LMTK2: variants seen among roughly 807,000 people sequenced by gnomAD.
LMTK2 encodes serine/threonine-protein kinase LMTK2.
LMTK2 carries 37 observed loss-of-function variants against 127.5 expected under a neutral mutation model. The observed-to-expected ratio is 0.29, with a 90% CI of 0.22 to 0.38. The LOEUF (loss-of-function observed/expected upper bound fraction) is 0.38, where lower values mean the gene tolerates loss of function less well. LMTK2 is among the 10% of genes least tolerant of loss of function. LMTK2 has a pLI of 1.00. For missense variants in LMTK2, 1,694 were observed against 1,920.3 expected (o/e 0.88, Z 2.20); for synonymous variants, 819 against 810.1 (o/e 1.01, Z -0.19).
intron 4 of LMTK2, 144 bp downstream of exon 4, chr7:98,151,599 A>T: frequency 1.6e-6 from 1 of 628,570 alleles, no homozygotes; most frequent in Non-Finnish European, 2.7e-6. Flanking sequence ...CCCCTGTGGC[A>T]GCGTGGGGGC....
rs1796115169 is a variant in LMTK2 at position 98,106,989 on chromosome 7, T to G, written c.-189T>G. 3 of 467,780 alleles carry G rather than the reference T, an allele frequency of 6.4e-6. No individual in the cohort carries two copies. The highest frequency in any genetic ancestry group is 7.5e-6 in the Non-Finnish European group (2 of 265,490). 29.0% of individuals were successfully genotyped at this position (467,780 alleles called of 1,614,324 possible). On this transcript the variant is annotated 5_prime_UTR_variant, in exon 1 of 14. Transcript: ENST00000297293. ...CGCAGGCGGGCGGGAAGGATGGTGT[T>G]TCTGCGACTGGAGCGGCAGGTGCGG...
At chr7:98,129,917 A>G (rs145360745) in intron 1 of LMTK2, among the ~76,000 whole-genome samples, 276 of 152,186 alleles carry the variant, frequency 1.8e-3, no homozygotes, top group South Asian at 3.1e-3. Context: ...CTAGTGGGGA[A>G]GGCATATGGG....
At chr7:98,123,434 A>C (rs1042778865) in intron 1 of LMTK2, among the ~76,000 whole-genome samples, 2 of 151,982 alleles carry the variant, frequency 1.3e-5, no homozygotes, top group Non-Finnish European at 2.9e-5. Flanking sequence ...CCTTGTCAGC[A>C]GCTTAAATCT....
chr7:98,156,368 G>A (rs1796924997), intron 5 of LMTK2, among the ~76,000 whole-genome samples: 1 of 152,002 alleles, frequency 6.6e-6, no homozygotes, highest in Admixed American at 6.6e-5. Context: ...GGGAGGCTGA[G>A]GCAGGAAAAT....
Position 98,151,385 on chromosome 7 carries a change from G to A in LMTK2, c.380G>A (p.Gly127Glu). Reference sequence around the variant, plus strand: ...TTTAATGTTTTTTTCTCTACAGAGGGATTGAAGTCTCAAGTTGCCCGCCAC... The same window carrying A: ...TTTAATGTTTTTTTCTCTACAGAGGAATTGAAGTCTCAAGTTGCCCGCCAC... The part of the protein sequence containing the change: ...APSQFQPSVE[G>E]LKSQVARHSL... Residue 127 changes from glycine to glutamate, a missense_variant, in exon 4 of 14, where the codon GGA (glycine) becomes GAA (glutamate). Gly to Glu is a moderately conservative substitution (Grantham distance 98). Transcript: ENST00000297293. 1 of 1,609,178 alleles carries A rather than the reference G, an allele frequency of 6.2e-7. No individual in the cohort carries two copies. The highest frequency in any genetic ancestry group is 8.5e-7 in the Non-Finnish European group (1 of 1,175,706).
Position 98,171,754 on chromosome 7 carries a change from TAAG to T in LMTK2, c.791+81_791+83del, listed in dbSNP as rs1462877418. 4 of 1,434,472 alleles carry T rather than the reference TAAG, an allele frequency of 2.8e-6. No homozygotes were observed. Among genetic ancestry groups the T allele is most frequent in the Non-Finnish European group, 3.7e-6 (4 of 1,089,770 alleles). The allele number at this position is 1,434,472 out of a possible 1,614,324, so 88.9% of individuals were successfully genotyped here. ...GAGAGGCTGCCGAGTTTGTGAAACT[TAAG>T]GAGGACAGGAGGTGGCAGAATGAAC... On this transcript the variant is annotated intron_variant, in intron 7 of 13. Coordinates refer to ENST00000297293, the MANE Select transcript of LMTK2 (RefSeq NM_014916.4). The surrounding 1 kb of genome is among the most constrained non-coding windows in gnomAD (Gnocchi z 5.1).
chr7:98,141,199 A>G (rs1796693461), intron 2 of LMTK2, among the ~76,000 whole-genome samples, 198 bp from the exon 3 acceptor site: 1 of 152,112 alleles, frequency 6.6e-6, no homozygotes, highest in South Asian at 2.1e-4. Flanking sequence ...CTTACATGAA[A>G]TATGTATAAT....
Position 98,192,875 on chromosome 7 carries a change from A to G in LMTK2, c.2410A>G (p.Ser804Gly). 1 of 1,614,104 alleles carries G rather than the reference A, an allele frequency of 6.2e-7. No homozygotes were observed. Among genetic ancestry groups the G allele is most frequent in the Non-Finnish European group, 8.5e-7 (1 of 1,179,972 alleles). The part of the protein sequence containing the change: ...TDVMLTGDTL[S>G]TSLQSSPEVQ... ...TGTCATGCTCACAGGTGACACTTTG[A>G]GCACCTCATTGCAGTCTTCCCCGGA... Residue 804 changes from serine (S) to glycine (G), a missense_variant, in exon 11 of 14, where the codon AGC (serine) becomes GGC (glycine). Physicochemically the swap from Ser to Gly is moderately conservative, Grantham distance 56. Around this residue, in one of 8 missense-constraint regions of LMTK2, gnomAD observed 527 missense variants for 539.8 expected, o/e 0.98. Coordinates refer to ENST00000297293, the MANE Select transcript of LMTK2 (RefSeq NM_014916.4).
intron 11 of LMTK2, among the ~76,000 whole-genome samples, chr7:98,200,451 A>G (rs1797690136): frequency 6.6e-6 from 1 of 152,246 alleles, no homozygotes; most frequent in Non-Finnish European, 1.5e-5. Context: ...AAACAGATCG[A>G]AAGCACAGTA....
rs1796626747 is a variant in LMTK2, at chr7:98,138,431, G to A, written c.231+989G>A. ...GACACACAGATGTGCTGTTTTCTTG[G>A]GTCAGCACTGGCCGTATACACACAG... On this transcript the variant is annotated intron_variant, in intron 2 of 13. Transcript: ENST00000297293. Among the ~76,000 whole-genome samples, 3 of 152,172 alleles carry A rather than the reference G, an allele frequency of 2.0e-5. No individual in the cohort carries two copies. In the South Asian group the frequency reaches 6.2e-4, roughly 31 times the overall value.
At position 98,159,354 on chromosome 7, in the gene LMTK2, A is replaced by G. The variant is rs890236430; in HGVS notation, c.586A>G (p.Asn196Asp). The part of the protein sequence containing the change: ...GEPYYILQHP[N>D]ILQCVGQCVE... ...TTTTCCCAGCATTCTTCAGCATCCAAATATTCTTCAGTGTGTTGGACAGTG... is the reference window on the plus strand; with the variant it reads ...TTTTCCCAGCATTCTTCAGCATCCAGATATTCTTCAGTGTGTTGGACAGTG... The change falls in exon 6 of 14, where the codon AAT (asparagine) becomes GAT (aspartate). Residue 196 changes from asparagine (N) to aspartate (D), a missense_variant. Physicochemically the swap from Asn to Asp is conservative, Grantham distance 23 (BLOSUM62 1). This residue lies in a region of LMTK2 where 203 missense variants were observed against 226.2 expected (regional missense o/e 0.90). Transcript: ENST00000297293. 2.5e-6 allele frequency: 4 copies of G among 1,604,656 alleles called. No individual in the cohort carries two copies. The highest frequency in any genetic ancestry group is 2.5e-6 in the Non-Finnish European group (3 of 1,176,722).
chr7:98,177,778 A>T (rs1277388907), intron 7 of LMTK2, among the ~76,000 whole-genome samples: 1 of 152,254 alleles, frequency 6.6e-6, no homozygotes, highest in Non-Finnish European at 1.5e-5. Context: ...CACAGCAGGC[A>T]CTCAGTAAAT....
At chr7:98,198,307 C>A (rs1407058410) in intron 11 of LMTK2, among the ~76,000 whole-genome samples, 2 of 151,980 alleles carry the variant, frequency 1.3e-5, no homozygotes, top group East Asian at 3.9e-4. Context: ...TCTCCTGCCT[C>A]CACCTCCTCA....
At chr7:98,186,065 T>TC (rs1562918307) in intron 8 of LMTK2, among the ~76,000 whole-genome samples, 7 of 152,028 alleles carry the variant, frequency 4.6e-5, no homozygotes, top group African/African-American at 9.7e-5. Context: ...TCATCTCTTT[T>TC]TTTTTTTTTT....
At chr7:98,109,743 CAAA>C (rs1156337163) in intron 1 of LMTK2, among the ~76,000 whole-genome samples, 46 of 53,306 alleles carry the variant, frequency 8.6e-4, no homozygotes, top group African/African-American at 2.6e-3. Flanking sequence ...GACTCCGTCT[CAAA>C]AAAAAAAAAA....
chr7:98,151,546 C>A, intron 4 of LMTK2, 91 bp downstream of exon 4: 1 of 1,076,228 alleles, frequency 9.3e-7, no homozygotes, highest in Non-Finnish European at 1.4e-6. Flanking sequence ...TGGAGTTCCA[C>A]GTGCCCTGTG....
At chr7:98,131,574 C>T (rs1796520599) in intron 1 of LMTK2, among the ~76,000 whole-genome samples, 1 of 152,216 alleles carries the variant, frequency 6.6e-6, no homozygotes, top group Non-Finnish European at 1.5e-5. Context: ...TTGGGCAGTA[C>T]TGTTGCATAG....
In LMTK2 at chr7:98,205,800, C is replaced by T. The variant is rs2116489424; in HGVS notation, c.*308C>T. ...GGCAGGGGCACAGCCTCCATGTGCG[C>T]GCGCGTGTGGAGCTGTGTGCACCGC... On this transcript the variant is annotated 3_prime_UTR_variant, in exon 14 of 14. Coordinates refer to ENST00000297293, the MANE Select transcript of LMTK2 (RefSeq NM_014916.4). 4.1e-6 allele frequency: 2 copies of T among 491,508 alleles called. No individual in the cohort carries two copies. Among genetic ancestry groups the T allele is most frequent in the Non-Finnish European group, 7.4e-6 (2 of 268,534 alleles). The allele number at this position is 491,508 out of a possible 1,614,324, so 30.4% of individuals were successfully genotyped here.
At chr7:98,148,509 AATAAT>A (rs1160098977) in intron 3 of LMTK2, among the ~76,000 whole-genome samples, 29 of 140,506 alleles carry the variant, frequency 2.1e-4, no homozygotes, top group Non-Finnish European at 3.6e-4. Flanking sequence ...AAAAAAAAAT[AATAAT>A]AATAATAATA....
Sources: gnomAD v4.1 joint callset for allele counts (sites outside exome capture counted in the v4.1 genomes callset) on GRCh38, gnomAD v4.1.1 for gene constraint, gnomAD v4.1.1 regional missense constraint, Gnocchi (gnomAD v3.1) non-coding constraint, MANE v1.5 for transcripts, NCBI Gene and HGNC (gene_info 2026-07-23, HGNC 2026-07-21) for gene names.